SH3GL3: variants seen among roughly 807,000 people sequenced by gnomAD.
SH3GL3 encodes SH3 domain containing GRB2 like 3, endophilin A3.
In SH3GL3, 33 loss-of-function variants were observed where a neutral mutation model predicts 47.7. That is an observed-to-expected ratio of 0.69 (90% confidence interval 0.52 to 0.92). The LOEUF is 0.92. SH3GL3 is among the 40% of genes least tolerant of loss of function. The pLI is 0.00. For synonymous variants in SH3GL3, 155 were observed against 148.8 expected (o/e 1.04, Z -0.30); for missense variants, 363 against 417.8 (o/e 0.87, Z 1.14).
At position 83,565,151 on chromosome 15, in the gene SH3GL3, TA is replaced by T. The variant is rs1269980695; in HGVS notation, c.135del (p.Val46LeufsTer23). 3 of 1,556,072 alleles carry T rather than the reference TA, an allele frequency of 1.9e-6. No homozygotes were observed. Among genetic ancestry groups the T allele is most frequent in the Non-Finnish European group, 2.6e-6 (3 of 1,133,636 alleles). ...DMERKIDVTN[K>X]VVAEILSKTT... ...CTTTTAAGAAAATAGATGTTACCAA[TA>T]AAGTTGTTGCAGAAATTCTTTCAAA... On this transcript the variant is annotated frameshift_variant, in exon 3 of 9. Transcript: ENST00000427482. LOFTEE classifies it high-confidence loss of function.
chr15:83,527,310 G>A (rs986798983), intron 1 of SH3GL3, among the ~76,000 whole-genome samples: 10 of 152,180 alleles, frequency 6.6e-5, no homozygotes, highest in South Asian at 4.2e-4. Flanking sequence ...TGTTGATAGT[G>A]GGATAAAGTC....
In SH3GL3 at chr15:83,579,597, A is replaced by G. The variant is rs150002680; in HGVS notation, c.624+2856A>G. Among the ~76,000 whole-genome samples the G allele has an allele frequency of 5.4e-3, 826 of 152,262 alleles. 6 individuals are homozygous for G. The highest frequency in any genetic ancestry group is 8.3e-3 in the Non-Finnish European group (563 of 68,028). On this transcript the variant is annotated intron_variant, in intron 6 of 8. Coordinates refer to ENST00000427482, the MANE Select transcript of SH3GL3 (RefSeq NM_003027.5). ...TGCGGTAATGGTGGTGATCGTGATA[A>G]TGATAAAGACAGTGGTGATAATGAT...
downstream of SH3GL3, among the ~76,000 whole-genome samples, chr15:83,622,611 G>C (rs2060918043): frequency 1.3e-5 from 2 of 152,238 alleles, no homozygotes; most frequent in Non-Finnish European, 2.9e-5. Context: ...GGAGATGCAA[G>C]GATCATGACC....
At chr15:83,539,222 T>C (rs756181191) in intron 1 of SH3GL3, among the ~76,000 whole-genome samples, 1 of 152,220 alleles carries the variant, frequency 6.6e-6, no homozygotes, top group South Asian at 2.1e-4. Context: ...AAATAACAAA[T>C]ATTTCTCATG....
intron 1 of SH3GL3, among the ~76,000 whole-genome samples, chr15:83,555,717 C>G (rs778078812): frequency 1.3e-5 from 2 of 152,098 alleles, no homozygotes; most frequent in Non-Finnish European, 2.9e-5. Flanking sequence ...CTTTTCCATC[C>G]CCAGCTGTAA....
rs1310193732 is a variant in SH3GL3 at position 83,565,118 on chromosome 15, A to T, written c.115-16A>T. 2 of 1,251,016 alleles carry T rather than the reference A, an allele frequency of 1.6e-6. No homozygotes were observed. The highest frequency in any genetic ancestry group is 2.0e-5 in the Admixed American group (1 of 50,698). The allele number at this position is 1,251,016 out of a possible 1,614,324, so 77.5% of individuals were successfully genotyped here. On this transcript the variant is annotated splice_polypyrimidine_tract_variant and intron_variant, in intron 2 of 8. Coordinates refer to ENST00000427482, the MANE Select transcript of SH3GL3 (RefSeq NM_003027.5). ...AGTTTGTCATTTACTAACTTTTTTTAAATTTTGCTTTTAAGAAAATAGATG... is the reference window on the plus strand; with the variant it reads ...AGTTTGTCATTTACTAACTTTTTTTTAATTTTGCTTTTAAGAAAATAGATG...
Position 83,558,234 on chromosome 15 carries a change from G to T in SH3GL3, c.46-1019G>T, listed in dbSNP as rs137862139. ...ATCCAACCCTACTGGTGCCAGACTTGCTTTTCTAAAGGGTTTCTCTGTGTT... is the reference window on the plus strand; with the variant it reads ...ATCCAACCCTACTGGTGCCAGACTTTCTTTTCTAAAGGGTTTCTCTGTGTT... On this transcript the variant is annotated intron_variant, in intron 1 of 8. Transcript: ENST00000427482. 2.9e-3 allele frequency among the ~76,000 whole-genome samples: 434 copies of T among 152,222 alleles called. 1 individual carries two copies. Among genetic ancestry groups the T allele is most frequent in the Non-Finnish European group, 4.4e-3 (296 of 68,006 alleles).
chr15:83,524,184 G>T (rs531370087), intron 1 of SH3GL3, among the ~76,000 whole-genome samples: 1 of 152,290 alleles, frequency 6.6e-6, no homozygotes, highest in Non-Finnish European at 1.5e-5. Context: ...TTATTTGCAA[G>T]GTGTTGGTTG....
At chr15:83,481,932 A>T (rs771418662) in intron 1 of SH3GL3, among the ~76,000 whole-genome samples, 4 of 152,164 alleles carry the variant, frequency 2.6e-5, no homozygotes, top group African/African-American at 4.8e-5. Context: ...AAATTTTCTT[A>T]TTAAAAGAAG....
intron 8 of SH3GL3, among the ~76,000 whole-genome samples, chr15:83,605,790 T>A (rs2060499770): frequency 6.6e-6 from 1 of 152,106 alleles, no homozygotes; most frequent in Admixed American, 6.5e-5. Flanking sequence ...GGTCATGCTG[T>A]TTCATCAGTG....
At chr15:83,525,465 A>T (rs148883821) in intron 1 of SH3GL3, among the ~76,000 whole-genome samples, 4 of 152,052 alleles carry the variant, frequency 2.6e-5, no homozygotes, top group African/African-American at 9.6e-5. Flanking sequence ...CTCCCATTCA[A>T]CAGGTTGCCT....
intron 1 of SH3GL3, among the ~76,000 whole-genome samples, chr15:83,472,602 A>G (rs977207244): frequency 6.6e-6 from 1 of 151,318 alleles, no homozygotes; most frequent in Non-Finnish European, 1.5e-5. Flanking sequence ...AAGACTTTCT[A>G]TTTTTCACTG....
At chr15:83,605,067 C>T (rs1217259877) in intron 8 of SH3GL3, among the ~76,000 whole-genome samples, 1 of 152,180 alleles carries the variant, frequency 6.6e-6, no homozygotes, top group Non-Finnish European at 1.5e-5. Context: ...TGGCCAGTAG[C>T]TGGGTCCCTA....
At position 83,461,651 on chromosome 15, in the gene SH3GL3, T is replaced by G. The variant is rs558317627; in HGVS notation, c.45+14073T>G. ...TTTACATAATTTTGATAAAAATTTA[T>G]TTTTTAAATAACAAGATACAATTTA... On this transcript the variant is annotated intron_variant, in intron 1 of 8. Transcript: ENST00000427482. Among the ~76,000 whole-genome samples the G allele has an allele frequency of 4.6e-5, 7 of 152,272 alleles. No homozygotes were observed. The South Asian group carries it at 1.4e-3, about 32-fold the overall frequency.
chr15:83,526,441 A>G (rs1046033536), intron 1 of SH3GL3, among the ~76,000 whole-genome samples: 1 of 152,188 alleles, frequency 6.6e-6, no homozygotes, highest in African/African-American at 2.4e-5. Context: ...TAGATTGAAT[A>G]AAGAAAATGT....
intron 1 of SH3GL3, among the ~76,000 whole-genome samples, chr15:83,457,435 T>C (rs913082450): frequency 2.0e-5 from 3 of 152,166 alleles, no homozygotes; most frequent in Non-Finnish European, 4.4e-5. Flanking sequence ...TTACAACTTT[T>C]CCCCCTTTCT....
At chr15:83,560,117 C>T (rs150825969) in intron 2 of SH3GL3, among the ~76,000 whole-genome samples, 15 of 152,170 alleles carry the variant, frequency 9.9e-5, no homozygotes, top group African/African-American at 3.6e-4. Flanking sequence ...AATAATTAGA[C>T]CCCCCACCCC....
chr15:83,477,148 G>A lies in SH3GL3; in HGVS notation c.45+29570G>A, dbSNP rs190475002. 3.0e-3 allele frequency among the ~76,000 whole-genome samples: 451 copies of A among 152,156 alleles called. 2 individuals carry two copies. Among genetic ancestry groups the A allele is most frequent in the Non-Finnish European group, 5.1e-3 (344 of 68,010 alleles). On this transcript the variant is annotated intron_variant, in intron 1 of 8. Coordinates refer to ENST00000427482, the MANE Select transcript of SH3GL3 (RefSeq NM_003027.5). ...GACTGTGGTATGTTTGCTTGGATGG[G>A]GACTCTCATTTACTTGGAGGGAGGA...
chr15:83,535,553 T>C (rs1371537971), intron 1 of SH3GL3, among the ~76,000 whole-genome samples: 1 of 152,170 alleles, frequency 6.6e-6, no homozygotes, highest in Non-Finnish European at 1.5e-5. Context: ...AAACTTCATG[T>C]TCCTACATGG....
Sources: gnomAD v4.1 joint callset for allele counts (sites outside exome capture counted in the v4.1 genomes callset) on GRCh38, gnomAD v4.1.1 for gene constraint, MANE v1.5 for transcripts, NCBI Gene and HGNC (gene_info 2026-07-23, HGNC 2026-07-21) for gene names.